PRKG1: variants seen among roughly 807,000 people sequenced by gnomAD.
PRKG1 encodes protein kinase cGMP-dependent 1, also known as cGMP-dependent protein kinase 1.
A neutral mutation model predicts 88.1 loss-of-function variants in PRKG1; 35 were observed. The ratio of observed to expected loss-of-function variants is 0.40; its 90% CI spans 0.30 to 0.53. The LOEUF is 0.53. Ranked by LOEUF, PRKG1 falls within the 20% of genes least tolerant of loss-of-function variation. The pLI is 0.59. For synonymous variants in PRKG1, 303 were observed against 292.5 expected (o/e 1.04, Z -0.37); for missense variants, 540 against 839.8 (o/e 0.64, Z 4.41).
At chr10:51,757,955 C>T (rs558492021) in intron 3 of PRKG1, among the ~76,000 whole-genome samples, 1 of 152,018 alleles carries the variant, frequency 6.6e-6, no homozygotes, top group East Asian at 1.9e-4. Context: ...AGGAGATAAC[C>T]GAGAAACTCA....
At chr10:51,701,787 G>A (rs1045905188) in intron 3 of PRKG1, among the ~76,000 whole-genome samples, 4 of 152,104 alleles carry the variant, frequency 2.6e-5, no homozygotes, top group Non-Finnish European at 4.4e-5. Flanking sequence ...TGCAAAATTC[G>A]TAGAAGATTG....
chr10:51,816,614 T>C (rs2132633694), intron 4 of PRKG1, among the ~76,000 whole-genome samples: 1 of 151,592 alleles, frequency 6.6e-6, no homozygotes, highest in Admixed American at 6.6e-5. Context: ...TTAAAAGTAA[T>C]TTCAAAACAG....
intron 2 of PRKG1, among the ~76,000 whole-genome samples, chr10:51,294,893 C>A (rs549462241): frequency 6.6e-6 from 1 of 152,084 alleles, no homozygotes; most frequent in South Asian, 2.1e-4. Flanking sequence ...GGCAACATAA[C>A]AAAACTCTGT....
intron 1 of PRKG1, among the ~76,000 whole-genome samples, chr10:51,025,860 T>C (rs1589112795): frequency 2.0e-5 from 3 of 152,320 alleles, no homozygotes; most frequent in Admixed American, 6.5e-5. Flanking sequence ...CAAATTCATA[T>C]TTGCAGTCCT....
chr10:50,998,058 G>T (rs1842853255), intron 1 of PRKG1, among the ~76,000 whole-genome samples: 1 of 152,150 alleles, frequency 6.6e-6, no homozygotes, highest in Admixed American at 6.5e-5. Flanking sequence ...GCATCTTATA[G>T]TTTGTAAAAT....
At chr10:52,216,711 T>C (rs1247298196) in intron 9 of PRKG1, among the ~76,000 whole-genome samples, 1 of 152,208 alleles carries the variant, frequency 6.6e-6, no homozygotes, top group African/African-American at 2.4e-5. Context: ...TTGGTTTTTA[T>C]ACAGTCATAG....
chr10:52,117,700 A>G (rs1847722047), intron 7 of PRKG1, among the ~76,000 whole-genome samples: 1 of 152,094 alleles, frequency 6.6e-6, no homozygotes, highest in Admixed American at 6.6e-5. Flanking sequence ...TAAAAGCTAC[A>G]ATAATAACTA....
At chr10:51,810,730 T>C (rs902408153) in intron 4 of PRKG1, among the ~76,000 whole-genome samples, 3 of 152,222 alleles carry the variant, frequency 2.0e-5, no homozygotes, top group Non-Finnish European at 2.9e-5. Context: ...GACTTTGTTA[T>C]TGAAACTTTA....
intron 2 of PRKG1, among the ~76,000 whole-genome samples, chr10:51,262,008 T>A (rs1839721538): frequency 6.7e-6 from 1 of 148,266 alleles, no homozygotes; most frequent in South Asian, 2.2e-4. Context: ...TGCCTCAGCC[T>A]CCCGAGTAGC....
At chr10:51,744,783 C>T (rs1022128284) in intron 3 of PRKG1, among the ~76,000 whole-genome samples, 1 of 152,114 alleles carries the variant, frequency 6.6e-6, no homozygotes, top group Non-Finnish European at 1.5e-5. Flanking sequence ...ATGGGTCTTC[C>T]AGTTGTCTCC....
chr10:51,767,363 G>A (rs1209419118), intron 3 of PRKG1, among the ~76,000 whole-genome samples: 1 of 152,050 alleles, frequency 6.6e-6, no homozygotes, highest in Non-Finnish European at 1.5e-5. Context: ...ATAAATGGTG[G>A]AAAAGTGACT....
chr10:52,025,013 A>G (rs1319381747), intron 5 of PRKG1, among the ~76,000 whole-genome samples: 1 of 152,092 alleles, frequency 6.6e-6, no homozygotes, highest in Non-Finnish European at 1.5e-5. Context: ...CTTTTTAATG[A>G]TCGCCATTCT....
chr10:52,105,238 T>C (rs1018101835), intron 7 of PRKG1, among the ~76,000 whole-genome samples: 4 of 152,162 alleles, frequency 2.6e-5, no homozygotes, highest in African/African-American at 9.6e-5. Context: ...TGGGTCCAAA[T>C]TGTCTCCAGT....
chr10:51,063,519 TA>T (rs1214001857), intron 1 of PRKG1, among the ~76,000 whole-genome samples: 1 of 152,086 alleles, frequency 6.6e-6, no homozygotes, highest in African/African-American at 2.4e-5. Context: ...GTATAAAAGA[TA>T]AAAAAGGTAC....
chr10:51,050,484 T>A (rs1301237101), intron 1 of PRKG1, among the ~76,000 whole-genome samples: 1 of 152,138 alleles, frequency 6.6e-6, no homozygotes, highest in Non-Finnish European at 1.5e-5. Flanking sequence ...GTTGTTGCAA[T>A]GCATTTCCTT....
At chr10:52,166,530 T>G (rs1838444220) in intron 9 of PRKG1, among the ~76,000 whole-genome samples, 1 of 143,288 alleles carries the variant, frequency 7.0e-6, no homozygotes, top group Non-Finnish European at 1.5e-5. Flanking sequence ...GCCTCCCGGG[T>G]TCACACCATT....
At chr10:51,364,948 T>C (rs141545670) in intron 2 of PRKG1, among the ~76,000 whole-genome samples, 1 of 152,026 alleles carries the variant, frequency 6.6e-6, no homozygotes, top group Non-Finnish European at 1.5e-5. Context: ...AACAAATAAT[T>C]ACCATTTACT....
chr10:51,212,611 A>C (rs1222192711), intron 2 of PRKG1, among the ~76,000 whole-genome samples: 1 of 152,212 alleles, frequency 6.6e-6, no homozygotes, highest in Non-Finnish European at 1.5e-5. Flanking sequence ...AACCCCAACA[A>C]ATTTACAAGA....
At chr10:51,052,959 G>A (rs552242998) in intron 1 of PRKG1, among the ~76,000 whole-genome samples, 4 of 152,328 alleles carry the variant, frequency 2.6e-5, no homozygotes, top group South Asian at 2.1e-4. Context: ...GCCAGTTGCC[G>A]TGGCTCATGC....
Sources: allele counts gnomAD v4.1 joint callset (sites outside exome capture counted in the v4.1 genomes callset), GRCh38; gene constraint gnomAD v4.1.1; transcripts MANE v1.5; gene names NCBI Gene and HGNC (gene_info 2026-07-23, HGNC 2026-07-21).